TLN2: variants seen among roughly 807,000 people sequenced by gnomAD.
The protein encoded by TLN2 is talin-2.
TLN2 carries 118 observed loss-of-function variants against 294.7 expected under a neutral mutation model. That is an observed-to-expected ratio of 0.40 (90% CI 0.34 to 0.47). The LOEUF is 0.47. Ranked by LOEUF, TLN2 falls within the 20% of genes least tolerant of loss-of-function variation. The pLI is 0.84. For synonymous variants in TLN2, 1,431 were observed against 1,304.5 expected, an observed-to-expected ratio of 1.10 and a Z score of -2.09; for missense variants, 3,083 against 3,282.2, an observed-to-expected ratio of 0.94 and a Z score of 1.48.
intron 27 of TLN2, among the ~76,000 whole-genome samples, 187 bp downstream of exon 27, chr15:62,725,291 A>G (rs1217191459): frequency 1.3e-5 from 2 of 152,208 alleles, no homozygotes; most frequent in African/African-American, 4.8e-5. Context: ...GCTGGATTCT[A>G]CACTCAGCTG....
At chr15:62,815,682 G>A (rs2067055108) in intron 52 of TLN2, among the ~76,000 whole-genome samples, 1 of 152,106 alleles carries the variant, frequency 6.6e-6, no homozygotes, top group Non-Finnish European at 1.5e-5. Context: ...AGGATTCTTA[G>A]GCTTTTTTGG....
chr15:62,593,525 C>T (rs950483876), intron 2 of TLN2, among the ~76,000 whole-genome samples: 1 of 152,228 alleles, frequency 6.6e-6, no homozygotes, highest in Middle Eastern at 3.4e-3. Context: ...CATTAAGAAG[C>T]CCCCCTGGAG....
At chr15:62,416,640 T>G (rs1053530144) in intron 1 of TLN2, among the ~76,000 whole-genome samples, 1 of 152,228 alleles carries the variant, frequency 6.6e-6, no homozygotes, top group Non-Finnish European at 1.5e-5. Flanking sequence ...ATTATCTTCC[T>G]TGATATTACA....
intron 2 of TLN2, among the ~76,000 whole-genome samples, chr15:62,597,168 G>T (rs12441930): frequency 6.6e-6 from 1 of 151,862 alleles, no homozygotes; most frequent in African/African-American, 2.4e-5. Flanking sequence ...TACACTATTT[G>T]TTGTCTCCCA....
At chr15:62,770,119 G>A (rs909204683) in intron 41 of TLN2, among the ~76,000 whole-genome samples, 1 of 152,170 alleles carries the variant, frequency 6.6e-6, no homozygotes, top group Non-Finnish European at 1.5e-5. Context: ...GTGGGATGCC[G>A]CTGTCTCCAC....
intron 42 of TLN2, among the ~76,000 whole-genome samples, chr15:62,775,665 G>A (rs1192130305): frequency 1.3e-5 from 2 of 152,166 alleles, no homozygotes; most frequent in Non-Finnish European, 2.9e-5. Flanking sequence ...ACGAGTTCTC[G>A]TTTACTGCTT....
chr15:62,840,782 T>C lies in TLN2; in HGVS notation c.*172T>C. 1.1e-6 allele frequency: 1 copy of C among 878,270 alleles called. No individual in the cohort carries two copies. The highest frequency in any genetic ancestry group is 1.7e-6 in the Non-Finnish European group (1 of 593,798). The allele number at this position is 878,270 out of a possible 1,614,324, so 54.4% of individuals were successfully genotyped here. A position where few individuals can be genotyped will look rare whatever the true frequency, so the allele number is the denominator to read the frequency against. ...TGTCCCGTCGGCACTGGCTGCATGA[T>C]CGTGATGTCACACGGTACAATGTCC... is the stretch of plus-strand genomic sequence containing the variant. On this transcript the variant is annotated 3_prime_UTR_variant, in exon 59 of 59. Transcript: ENST00000636159.
At chr15:62,831,915 C>G (rs767342181) in intron 54 of TLN2, 2 of 152,188 alleles carry the variant, frequency 1.3e-5, no homozygotes, top group African/African-American at 4.8e-5. Flanking sequence ...ACCTCTGGCA[C>G]AAACCGTTTC....
Position 62,401,479 on chromosome 15 carries a change from C to T in TLN2, c.-238+10794C>T, listed in dbSNP as rs1442459789. 5.3e-5 allele frequency among the ~76,000 whole-genome samples: 8 copies of T among 152,240 alleles called. 1 individual carries two copies. The East Asian group carries it at 1.4e-3, about 26-fold the overall frequency. On this transcript the variant is annotated intron_variant, in intron 1 of 58. Transcript: ENST00000636159. ...GAAGGGAAATTGTCATGAAGGAGGTCATGTTTAAGTGGCGCTTTGCAGGAT... is the reference window on the plus strand; with the variant it reads ...GAAGGGAAATTGTCATGAAGGAGGTTATGTTTAAGTGGCGCTTTGCAGGAT...
intron 9 of TLN2, among the ~76,000 whole-genome samples, chr15:62,661,530 G>C (rs1044047581): frequency 6.6e-6 from 1 of 152,118 alleles, no homozygotes; most frequent in African/African-American, 2.4e-5. Context: ...GAGAAGTGCA[G>C]GGCGGCTTAT....
At chr15:62,636,299 G>A (rs1324420362) in intron 3 of TLN2, among the ~76,000 whole-genome samples, 2 of 146,300 alleles carry the variant, frequency 1.4e-5, no homozygotes, top group Non-Finnish European at 3.1e-5. Flanking sequence ...CTAAAACATT[G>A]CAAGTTTTAG....
At chr15:62,669,444 A>AGGATCTG (rs2055131403) in intron 9 of TLN2, among the ~76,000 whole-genome samples, 1 of 152,212 alleles carries the variant, frequency 6.6e-6, no homozygotes, top group Non-Finnish European at 1.5e-5. Flanking sequence ...ACTGGAATAG[A>AGGATCTG]GGATCTGCTA....
intron 1 of TLN2, among the ~76,000 whole-genome samples, chr15:62,528,670 C>CTTTTTTTTTTTTTT (rs3055755): frequency 5.2e-5 from 5 of 96,782 alleles, no homozygotes; most frequent in Non-Finnish European, 9.7e-5. Flanking sequence ...CCAGAGCTTG[C>CTTTTTTTTTTTTTT]TTTTTTTTTT....
chr15:62,560,536 G>A (rs1453477237), intron 1 of TLN2, among the ~76,000 whole-genome samples: 2 of 152,116 alleles, frequency 1.3e-5, no homozygotes, highest in East Asian at 1.9e-4. Context: ...CATATTGGCC[G>A]GGCTGGTCTC....
intron 43 of TLN2, among the ~76,000 whole-genome samples, chr15:62,779,389 A>T (rs1483652617): frequency 7.9e-5 from 12 of 152,242 alleles, no homozygotes; most frequent in Admixed American, 7.9e-4. Context: ...AAAAACAAAC[A>T]AAAACTGTGC....
Position 62,778,938 on chromosome 15 carries a change from A to G in TLN2, c.5514+2028A>G, listed in dbSNP as rs144984440. ...GTTGCTGGGGACTTCAAATTAAGTG[A>G]CGTTTCAGGTCCTTTGGGTCCCTGT... is the stretch of plus-strand genomic sequence containing the variant. On this transcript the variant is annotated intron_variant, in intron 43 of 58. Coordinates refer to ENST00000636159, the MANE Select transcript of TLN2 (RefSeq NM_015059.3). Among the ~76,000 whole-genome samples, 274 of 152,328 alleles carry G rather than the reference A, an allele frequency of 1.8e-3. 2 individuals carry two copies. The highest frequency in any genetic ancestry group is 6.3e-3 in the African/African-American group (263 of 41,570).
intron 9 of TLN2, among the ~76,000 whole-genome samples, chr15:62,671,348 T>C (rs979250901): frequency 2.6e-5 from 4 of 152,230 alleles, no homozygotes; most frequent in Non-Finnish European, 5.9e-5. Flanking sequence ...TAAAAACTCT[T>C]TGCCTAAATC....
intron 48 of TLN2, among the ~76,000 whole-genome samples, chr15:62,799,959 A>G (rs2065811250): frequency 1.3e-5 from 2 of 152,216 alleles, no homozygotes; most frequent in African/African-American, 4.8e-5. Context: ...CCAGAGAGGC[A>G]GGCAGGGCTG....
Position 62,738,293 on chromosome 15 carries a change from A to T in TLN2, c.3647A>T (p.Lys1216Met), listed in dbSNP as rs1300289302. 6.2e-7 allele frequency: 1 copy of T among 1,614,068 alleles called. No homozygotes were observed. The highest frequency in any genetic ancestry group is 8.5e-7 in the Non-Finnish European group (1 of 1,180,022). ...PGQKDVDVALKSIGESSKKLL... is the reference protein window; with the variant it reads ...PGQKDVDVALMSIGESSKKLL... ...CAGAAGGATGTGGACGTGGCCTTGAAGAGCATCGGGGAGTCCAGCAAGAAG... is the reference window on the plus strand; with the variant it reads ...CAGAAGGATGTGGACGTGGCCTTGATGAGCATCGGGGAGTCCAGCAAGAAG... The change falls in exon 30 of 59, where the codon AAG becomes ATG. Residue 1216 changes from lysine (K) to methionine (M), a missense_variant. Transcript: ENST00000636159.
Sources: gnomAD v4.1 joint callset for allele counts (sites outside exome capture counted in the v4.1 genomes callset) on GRCh38, gnomAD v4.1.1 for gene constraint, MANE v1.5 for transcripts, NCBI Gene and HGNC (gene_info 2026-07-23, HGNC 2026-07-21) for gene names.